The following ZNF280C variants were observed in gnomAD, a reference collection of about 807,000 sequenced individuals.
The protein encoded by ZNF280C is suppressor of hairy wing homolog 3.
A neutral mutation model predicts 53.6 loss-of-function variants in ZNF280C; 14 were observed. The observed-to-expected ratio is 0.26, with a 90% confidence interval of 0.17 to 0.41. ZNF280C has a LOEUF of 0.41. ZNF280C is among the 10% of genes least tolerant of loss of function. The pLI, the probability that ZNF280C is intolerant of heterozygous loss-of-function variation, is 1.00. For missense variants in ZNF280C, 416 were observed against 547.1 expected, an observed-to-expected ratio of 0.76 and a Z score of 2.39; for synonymous variants, 203 against 181.1, an observed-to-expected ratio of 1.12 and a Z score of -0.97.
intron 13 of ZNF280C, among the ~76,000 whole-genome samples, chrX:130,219,379 T>A (rs1197159759): frequency 9.4e-6 from 1 of 105,926 alleles, no homozygotes; most frequent in Non-Finnish European, 1.9e-5. Context: ...CCCAACTACT[T>A]GGGAGACTGA....
intron 2 of ZNF280C, among the ~76,000 whole-genome samples, chrX:130,259,650 C>G (rs1223645417): frequency 1.8e-5 from 2 of 112,400 alleles, no homozygotes; most frequent in East Asian, 5.5e-4. Flanking sequence ...CTATTACTGA[C>G]ATGTTTACTG....
At chrX:130,245,220 TGAAAC>T (rs1332047436) in intron 3 of ZNF280C, among the ~76,000 whole-genome samples, 1 of 112,000 alleles carries the variant, frequency 8.9e-6, no homozygotes, top group Admixed American at 9.5e-5. Context: ...TAGAATCTCT[TGAAAC>T]GAATACACAT....
chrX:130,220,958 T>G (rs2032157060), intron 12 of ZNF280C, among the ~76,000 whole-genome samples: 1 of 110,921 alleles, frequency 9.0e-6, no homozygotes, highest in Non-Finnish European at 1.9e-5. Flanking sequence ...TATTATAAAT[T>G]TAGAACAACA....
intron 2 of ZNF280C, among the ~76,000 whole-genome samples, chrX:130,259,204 G>T (rs764053423): frequency 8.9e-6 from 1 of 111,977 alleles, no homozygotes; most frequent in African/African-American, 3.2e-5. Flanking sequence ...TAAGCTCCTT[G>T]AGAGTGAAAA....
intron 12 of ZNF280C, among the ~76,000 whole-genome samples, chrX:130,222,149 G>A (rs989527733): frequency 3.3e-4 from 36 of 110,011 alleles, no homozygotes; most frequent in African/African-American, 1.1e-3. Context: ...CTTTGGAGAA[G>A]CCCTCTTTGA....
chrX:130,260,145 G>C (rs959078559), intron 2 of ZNF280C, among the ~76,000 whole-genome samples: 2 of 110,203 alleles, frequency 1.8e-5, no homozygotes, highest in African/African-American at 6.6e-5. Context: ...AGCTGGGTGT[G>C]GTGGTGGGCG....
Position 130,234,335 on chromosome X carries a change from C to T in ZNF280C, c.771+1879G>A, listed in dbSNP as rs373823755. Among the ~76,000 whole-genome samples the T allele has an allele frequency of 6.3e-5, 7 of 111,205 alleles. No individual in the cohort carries two copies. In the East Asian group the frequency reaches 1.1e-3, roughly 18 times the overall value. ...GCTAAAGGGTGCACCCACAATGAAT[C>T]GTAAGAGATGGATACATCTATGTCC... On this transcript the variant is annotated intron_variant, in intron 8 of 18. Coordinates refer to ENST00000370978, the MANE Select transcript of ZNF280C (RefSeq NM_017666.5).
At chrX:130,241,341 A>G in intron 5 of ZNF280C, among the ~76,000 whole-genome samples, 1 of 112,481 alleles carries the variant, frequency 8.9e-6, no homozygotes, top group Non-Finnish European at 1.9e-5. Flanking sequence ...GAGTTTTACA[A>G]TGTCAACACA....
At chrX:130,222,279 CA>C (rs2124701081) in intron 12 of ZNF280C, among the ~76,000 whole-genome samples, 1 of 45,984 alleles carries the variant, frequency 2.2e-5, no homozygotes, top group Non-Finnish European at 4.5e-5. Flanking sequence ...TCAGACACCA[CA>C]CACACACACA....
intron 5 of ZNF280C, among the ~76,000 whole-genome samples, chrX:130,243,030 T>TAA (rs1416252848): frequency 8.9e-6 from 1 of 112,054 alleles, no homozygotes; most frequent in East Asian, 2.7e-4. Context: ...ATACTGTATT[T>TAA]AAGCATATTA....
Position 130,230,626 on chromosome X carries a change from G to A in ZNF280C, c.873C>T (p.Ile291=). The change falls in exon 9 of 19, where the codon ATC becomes ATT. Residue 291 remains isoleucine, a synonymous_variant. Coordinates refer to ENST00000370978, the MANE Select transcript of ZNF280C (RefSeq NM_017666.5). ...DKTDSETGKL[I]MLVNEFYYGR... ...CATAATAAAACTCATTGACTAACAT[G>A]ATCAACTTTCCTGTCTCTGAATCAG... 8.3e-7 allele frequency: 1 copy of A among 1,208,347 alleles called. No homozygotes were observed. Among genetic ancestry groups the A allele is most frequent in the South Asian group, 1.8e-5 (1 of 56,789 alleles).
At chrX:130,255,107 C>G (rs1311986326) in intron 2 of ZNF280C, among the ~76,000 whole-genome samples, 1 of 104,087 alleles carries the variant, frequency 9.6e-6, no homozygotes, top group African/African-American at 3.5e-5. Flanking sequence ...ACACAGAAAA[C>G]AAGATTGGTA....
chrX:130,223,493 A>G (rs763791766), intron 12 of ZNF280C, among the ~76,000 whole-genome samples: 1 of 112,368 alleles, frequency 8.9e-6, no homozygotes, highest in South Asian at 3.8e-4. Flanking sequence ...GGAATGTGAC[A>G]CTGGGCAAAT....
intron 2 of ZNF280C, among the ~76,000 whole-genome samples, chrX:130,248,012 G>A (rs2032467693): frequency 9.4e-6 from 1 of 106,392 alleles, no homozygotes; most frequent in Admixed American, 1.0e-4. Context: ...AAATATGGGT[G>A]GACAACCAAT....
At chrX:130,208,764 C>T (rs1049073795) in intron 16 of ZNF280C, among the ~76,000 whole-genome samples, 10 of 106,876 alleles carry the variant, frequency 9.4e-5, no homozygotes, top group East Asian at 8.8e-4. Context: ...GGTGCAATCT[C>T]GGCTCACTGC....
chrX:130,236,336 A>T lies in ZNF280C; in HGVS notation c.665-16T>A, dbSNP rs1278537807. ...GTATTTGTACCTACAATAAATTAAG[A>T]ACTTTTAAGACTCAAATCCATCTTT... On this transcript the variant is annotated splice_polypyrimidine_tract_variant and intron_variant, in intron 7 of 18. Coordinates refer to ENST00000370978, the MANE Select transcript of ZNF280C (RefSeq NM_017666.5). The T allele has an allele frequency of 8.6e-7, 1 of 1,162,258 alleles. No homozygotes were observed.
At chrX:130,234,129 T>C (rs1047365071) in intron 8 of ZNF280C, among the ~76,000 whole-genome samples, 1 of 111,414 alleles carries the variant, frequency 9.0e-6, no homozygotes, top group African/African-American at 3.3e-5. Flanking sequence ...TCATATAGGA[T>C]CACAAAAGAA....
intron 1 of ZNF280C, among the ~76,000 whole-genome samples, chrX:130,262,503 TCAC>T (rs1419462402): frequency 8.9e-6 from 1 of 112,166 alleles, no homozygotes; most frequent in East Asian, 2.8e-4. Flanking sequence ...ACCCCTAAAG[TCAC>T]CACATCAGAA....
chrX:130,211,623 G>A (rs1380798942), intron 15 of ZNF280C, among the ~76,000 whole-genome samples: 2 of 111,029 alleles, frequency 1.8e-5, no homozygotes, highest in Non-Finnish European at 3.8e-5. Flanking sequence ...AGGGACCTAC[G>A]AGGCCCTCAG....
Sources: allele counts gnomAD v4.1 joint callset (sites outside exome capture counted in the v4.1 genomes callset), GRCh38; gene constraint gnomAD v4.1.1; transcripts MANE v1.5; gene names NCBI Gene and HGNC (gene_info 2026-07-23, HGNC 2026-07-21).